KHDC1L: variants seen among roughly 807,000 people sequenced by gnomAD.
KHDC1L encodes the protein KHDC1-like protein.
KHDC1L carries 5 observed loss-of-function variants against 11.2 expected under a neutral mutation model. That is an observed-to-expected ratio of 0.45 (90% CI 0.23 to 0.94). The LOEUF (loss-of-function observed/expected upper bound fraction) is 0.94, where lower values mean the gene tolerates loss of function less well. KHDC1L is among the 40% of genes least tolerant of loss of function. The pLI is 0.22. For synonymous variants in KHDC1L, 66 were observed against 62.7 expected (o/e 1.05, Z -0.25); for missense variants, 168 against 165.8 (o/e 1.01, Z -0.07).
At position 73,224,318 on chromosome 6, in the gene KHDC1L, T is replaced by G. The variant is rs759732417; in HGVS notation, c.143A>C (p.Glu48Ala). The change falls in exon 2 of 3, where the codon GAG becomes GCG. Residue 48 changes from glutamate (E) to alanine (A), a missense_variant. Coordinates refer to ENST00000370388, the MANE Select transcript of KHDC1L (RefSeq NM_001126063.3). The part of the protein sequence containing the change: ...GLDDTYLRCI[E>A]LHSHTLIQLE... ...CTGAATAAGGGTGTGGCTGTGCAGC[T>G]CAATGCAGCGAAGGTACGTGTCATC... 6.3e-7 allele frequency: 1 copy of G among 1,593,488 alleles called. No individual in the cohort carries two copies. The highest frequency in any genetic ancestry group is 1.1e-5 in the South Asian group (1 of 87,272).
At chr6:73,224,040 A>C in intron 2 of KHDC1L, 126 bp downstream of exon 2, 3 of 1,192,138 alleles carry the variant, frequency 2.5e-6, no homozygotes, top group South Asian at 1.6e-5. Context: ...TTCCCAATGG[A>C]CTCTGGGAAG....
intron 1 of KHDC1L, among the ~76,000 whole-genome samples, chr6:73,224,771 CAAAAAAAAA>C (rs3044250): frequency 1.5e-4 from 6 of 41,092 alleles, no homozygotes; most frequent in East Asian, 6.2e-4. Flanking sequence ...GATTCCATAT[CAAAAAAAAA>C]AAAAAAAAAA....
Position 73,224,278 on chromosome 6 carries a change from G to C in KHDC1L, c.183C>G (p.Phe61Leu). The C allele has an allele frequency of 6.3e-7, 1 of 1,597,810 alleles. No individual in the cohort carries two copies. Among genetic ancestry groups the C allele is most frequent in the South Asian group, 1.1e-5 (1 of 87,808 alleles). ...TCACACGTGTCTGGCCTGTAGCTGT[G>C]AAACACCTCTCCAGCTGAATAAGGG... ...SHTLIQLERCFTATGQTRVTV... is the reference protein window; with the variant it reads ...SHTLIQLERCLTATGQTRVTV... Residue 61 changes from phenylalanine to leucine, a missense_variant, in exon 2 of 3, where the codon TTC becomes TTG. Transcript: ENST00000370388.
chr6:73,224,592 T>C (rs1031448424), intron 1 of KHDC1L, among the ~76,000 whole-genome samples: 1 of 150,562 alleles, frequency 6.6e-6, no homozygotes, highest in African/African-American at 2.5e-5. Flanking sequence ...CTGGCTAACA[T>C]GGTGAAACCC....
intron 1 of KHDC1L, among the ~76,000 whole-genome samples, chr6:73,224,715 G>A (rs2150539137): frequency 7.1e-6 from 1 of 141,388 alleles, no homozygotes; most frequent in East Asian, 2.1e-4. Flanking sequence ...GGCGGAGCTT[G>A]CAGTGAGCCG....
At chr6:73,224,649 G>T (rs973410559) in intron 1 of KHDC1L, among the ~76,000 whole-genome samples, 2 of 151,452 alleles carry the variant, frequency 1.3e-5, no homozygotes, top group Non-Finnish European at 2.9e-5. Flanking sequence ...GGTGGCAGGC[G>T]CCTGTAGTCC....
Position 73,224,174 on chromosome 6 carries a change from T to C in KHDC1L, c.287A>G (p.His96Arg). The C allele has an allele frequency of 6.4e-7, 1 of 1,563,584 alleles. No homozygotes were observed. The highest frequency in any genetic ancestry group is 1.7e-4 in the Middle Eastern group (1 of 5,986). ...HCVGSQDSKCHARGLKMLERV... is the reference protein window; with the variant it reads ...HCVGSQDSKCRARGLKMLERV... ...CGGCCAAGGATACCTACCTCGAGCG[T>C]GACACTTGGAGTCCTGGCTCCCCAC... The change falls in exon 2 of 3, where the codon CAC becomes CGC. Residue 96 changes from histidine (H) to arginine (R), a missense_variant. His to Arg is a conservative substitution (Grantham distance 29). Coordinates refer to ENST00000370388, the MANE Select transcript of KHDC1L (RefSeq NM_001126063.3).
rs6927398 is a variant in KHDC1L at position 73,225,412 on chromosome 6, G to C, written c.-4C>G. 0.26 allele frequency: 416,095 copies of C among 1,609,262 alleles called. 55,632 individuals carry two copies. Among genetic ancestry groups the C allele is most frequent in the African/African-American group, 0.4 (29,941 of 74,824 alleles). ...GAGCACTCGTTCCCACGGCCATGCT[G>C]TGCTCCCACCTGATTCAGAATAGGG... is the stretch of plus-strand genomic sequence containing the variant. On this transcript the variant is annotated 5_prime_UTR_variant, in exon 1 of 3. Coordinates refer to ENST00000370388, the MANE Select transcript of KHDC1L (RefSeq NM_001126063.3).
intron 1 of KHDC1L, among the ~76,000 whole-genome samples, chr6:73,224,667 TCGGGAGG>T (rs1766326081): frequency 6.8e-6 from 1 of 147,394 alleles, no homozygotes; most frequent in African/African-American, 2.5e-5. Flanking sequence ...TCCCAGCTCC[TCGGGAGG>T]CTGCGGCAGG....
Position 73,225,288 on chromosome 6 carries a change from G to T in KHDC1L, c.112+9C>A. ...GATGAAGGAGGGGACGTGGGCAAAG[G>T]CCACTCACCGAAGATGAGCTCCTCC... On this transcript the variant is annotated intron_variant, in intron 1 of 2. Transcript: ENST00000370388. 8.1e-6 allele frequency: 13 copies of T among 1,612,108 alleles called. No homozygotes were observed. The highest frequency in any genetic ancestry group is 1.1e-5 in the South Asian group (1 of 90,932).
intron 1 of KHDC1L, among the ~76,000 whole-genome samples, chr6:73,224,854 G>A (rs1236874087): frequency 1.3e-5 from 2 of 149,962 alleles, no homozygotes; most frequent in African/African-American, 2.5e-5. Context: ...GGCCGAGGCC[G>A]GCAGATCAGG....
At position 73,224,420 on chromosome 6, in the gene KHDC1L, G is replaced by T. The variant is rs1184937317; in HGVS notation, c.113-72C>A. 5 of 1,324,662 alleles carry T rather than the reference G, an allele frequency of 3.8e-6. No individual in the cohort carries two copies. In the Admixed American group the frequency reaches 1.0e-4, roughly 27 times the overall value. 82.1% of individuals were successfully genotyped at this position (1,324,662 alleles called of 1,614,324 possible). On this transcript the variant is annotated intron_variant, in intron 1 of 2. Coordinates refer to ENST00000370388, the MANE Select transcript of KHDC1L (RefSeq NM_001126063.3). ...TGGGGAGTGAGGAGGTGGCCTTGAGGGTAGGGATGTGTGACTCATGAAGGT... is the reference window on the plus strand; with the variant it reads ...TGGGGAGTGAGGAGGTGGCCTTGAGTGTAGGGATGTGTGACTCATGAAGGT...
chr6:73,224,939 C>T (rs1766334119), intron 1 of KHDC1L, among the ~76,000 whole-genome samples: 1 of 150,958 alleles, frequency 6.6e-6, no homozygotes, highest in Admixed American at 6.6e-5. Context: ...AAAAATTAGC[C>T]GGGCGTGATG....
Position 73,223,787 on chromosome 6 carries a change from C to G in KHDC1L, c.348G>C (p.Leu116=). The G allele has an allele frequency of 6.2e-7, 1 of 1,607,914 alleles. No individual in the cohort carries two copies. ...VRSQPLTNDD[L]VTSVSLPPYT... ...ACGGTGGCAGGCTAACGGAGGTGAC[C>G]AGGTCATCATTGGTCAGGGGCTGGC... Residue 116 remains leucine, a synonymous_variant, in exon 3 of 3, where the codon CTG becomes CTC. Coordinates refer to ENST00000370388, the MANE Select transcript of KHDC1L (RefSeq NM_001126063.3).
chr6:73,225,074 C>A (rs1160571985), intron 1 of KHDC1L, among the ~76,000 whole-genome samples: 6 of 143,268 alleles, frequency 4.2e-5, no homozygotes, highest in African/African-American at 1.6e-4. Context: ...CAGAGCAAGA[C>A]TCCGTCTCGA....
At chr6:73,224,783 A>C (rs1231712852) in intron 1 of KHDC1L, among the ~76,000 whole-genome samples, 3 of 146,712 alleles carry the variant, frequency 2.0e-5, no homozygotes, top group East Asian at 4.0e-4. Flanking sequence ...AAAAAAAAAA[A>C]AAAAAAAAAA....
intron 1 of KHDC1L, among the ~76,000 whole-genome samples, 170 bp downstream of exon 1, chr6:73,225,127 C>T (rs1766338891): frequency 6.7e-6 from 1 of 150,304 alleles, no homozygotes; most frequent in Admixed American, 6.6e-5. Context: ...ACTAGTTAGG[C>T]GTGGTGGCAG....
rs180715734 is a variant in KHDC1L, at chr6:73,223,566, T to C, written c.*182A>G. On this transcript the variant is annotated 3_prime_UTR_variant, in exon 3 of 3. Transcript: ENST00000370388. ...GGCTTTGCATCATAGGTAGCTTATT[T>C]TATTGGATTGCTTTGCCAATAACAC... The C allele has an allele frequency of 2.5e-4, 140 of 564,996 alleles. No individual in the cohort carries two copies. Among genetic ancestry groups the C allele is most frequent in the Non-Finnish European group, 4.1e-4 (129 of 313,444 alleles). The allele number at this position is 564,996 out of a possible 1,614,324, so 35.0% of individuals were successfully genotyped here.
chr6:73,223,936 AC>A (rs1766310196), intron 2 of KHDC1L, 97 bp from the exon 3 acceptor site: 1 of 1,117,650 alleles, frequency 8.9e-7, no homozygotes, highest in Non-Finnish European at 1.3e-6. Flanking sequence ...AGAGGATGTC[AC>A]CCCAGCCCAG....
Sources: allele counts gnomAD v4.1 joint callset (sites outside exome capture counted in the v4.1 genomes callset), GRCh38; gene constraint gnomAD v4.1.1; transcripts MANE v1.5; gene names NCBI Gene and HGNC (gene_info 2026-07-23, HGNC 2026-07-21).